CHPT1: variants seen among roughly 807,000 people sequenced by gnomAD.
CHPT1 encodes the protein choline phosphotransferase 1, also known as cholinephosphotransferase 1.
CHPT1 carries 36 observed loss-of-function variants against 47.6 expected under a neutral mutation model. The ratio of observed to expected loss-of-function variants is 0.76; its 90% CI spans 0.58 to 1.00. CHPT1 has a LOEUF of 1.00. Among genes scored for constraint, CHPT1 ranks in the 50% least tolerant of loss-of-function variants. The pLI is 0.00. For synonymous variants in CHPT1, 194 were observed against 186.3 expected (o/e 1.04, Z -0.33); for missense variants, 458 against 498.1 (o/e 0.92, Z 0.77).
chr12:101,714,414 C>G lies in CHPT1; in HGVS notation c.422-90C>G, dbSNP rs112997014. On this transcript the variant is annotated intron_variant, in intron 2 of 8. Coordinates refer to ENST00000229266, the MANE Select transcript of CHPT1 (RefSeq NM_020244.3). ...TTTATTTTAATGCCATGATTATTTC[C>G]TTAGAGCTCTGTATTTCTAAACAGC... The G allele has an allele frequency of 1.7e-4, 205 of 1,233,786 alleles. No individual in the cohort carries two copies. In the African/African-American group the frequency reaches 2.8e-3, roughly 17 times the overall value. The allele number at this position is 1,233,786 out of a possible 1,614,324, so 76.4% of individuals were successfully genotyped here. A position where few individuals can be genotyped will look rare whatever the true frequency, so the allele number is the denominator to read the frequency against.
chr12:101,700,912 T>C (rs971699589), intron 1 of CHPT1, among the ~76,000 whole-genome samples: 2 of 152,230 alleles, frequency 1.3e-5, no homozygotes, highest in Non-Finnish European at 2.9e-5. Flanking sequence ...GAATTCTTAG[T>C]GTTTTTTTCA....
Position 101,714,075 on chromosome 12 carries a change from TTACATTTTTTATA to T in CHPT1, c.274-14_274-2del, listed in dbSNP as rs1951730950. On this transcript the variant is annotated splice_acceptor_variant and splice_polypyrimidine_tract_variant and intron_variant, in intron 1 of 8. Transcript: ENST00000229266. LOFTEE classifies it high-confidence loss of function. ...TATCACTTAACAATCTTTATTTTAT[TTACATTTTTTATA>T]GGCACCATACTGGACATACCTTTTA... 3 of 1,559,696 alleles carry T rather than the reference TTACATTTTTTATA, an allele frequency of 1.9e-6. No individual in the cohort carries two copies. The highest frequency in any genetic ancestry group is 2.6e-6 in the Non-Finnish European group (3 of 1,145,042).
intron 1 of CHPT1, among the ~76,000 whole-genome samples, 195 bp from the exon 2 acceptor site, chr12:101,713,895 A>C (rs1951728159): frequency 6.6e-6 from 1 of 152,162 alleles, no homozygotes; most frequent in South Asian, 2.1e-4. Context: ...TACATTGTGG[A>C]CTTCTGTGAC....
intron 8 of CHPT1, chr12:101,728,648 T>C: frequency 2.5e-6 from 1 of 394,844 alleles, no homozygotes; most frequent in South Asian, 3.9e-5. Context: ...AAGCCAAACC[T>C]AAAATTAAAT....
At chr12:101,708,240 T>C (rs893432654) in intron 1 of CHPT1, among the ~76,000 whole-genome samples, 4 of 152,226 alleles carry the variant, frequency 2.6e-5, no homozygotes, top group Non-Finnish European at 5.9e-5. Context: ...CTATGAATAA[T>C]TCAAATAACT....
At chr12:101,714,023 A>C in intron 1 of CHPT1, 67 bp from the exon 2 acceptor site, 2 of 1,047,202 alleles carry the variant, frequency 1.9e-6, no homozygotes, top group Non-Finnish European at 2.8e-6. Flanking sequence ...GTGAAGCCTT[A>C]GGTTGAGCTA....
Position 101,697,907 on chromosome 12 carries a change from GCGCTGAGCGAGC to G in CHPT1, c.56_67del (p.Glu19_Ser22del), listed in dbSNP as rs776745016. 5.8e-6 allele frequency: 8 copies of G among 1,381,594 alleles called. No individual in the cohort carries two copies. Among genetic ancestry groups the G allele is most frequent in the African/African-American group, 1.5e-5 (1 of 66,542 alleles). The allele number at this position is 1,381,594 out of a possible 1,614,324, so 85.6% of individuals were successfully genotyped here. On this transcript the variant is annotated inframe_deletion, in exon 1 of 9. Transcript: ENST00000229266. Reference sequence around the variant, plus strand: ...CGGGTCCGCGCCGCGCTGGCTGAGGGCGCTGAGCGAGCCGCTGAGCGCGGCGCAGCTGCGGCG... The same window carrying G: ...CGGGTCCGCGCCGCGCTGGCTGAGGGCGCTGAGCGCGGCGCAGCTGCGGCG...
At chr12:101,726,590 T>TATC (rs1359878667) in intron 8 of CHPT1, 186 bp downstream of exon 8, 1 of 747,182 alleles carries the variant, frequency 1.3e-6, no homozygotes, top group African/African-American at 1.8e-5. Context: ...GCCCCCATTG[T>TATC]ATCATCATTT....
chr12:101,708,280 T>C (rs1413587081), intron 1 of CHPT1, among the ~76,000 whole-genome samples: 1 of 152,198 alleles, frequency 6.6e-6, no homozygotes, highest in African/African-American at 2.4e-5. Flanking sequence ...AAATATGTAT[T>C]TTATACAGCT....
Position 101,723,774 on chromosome 12 carries a change from G to T in CHPT1, c.992G>T (p.Gly331Val), listed in dbSNP as rs1194366308. The T allele has an allele frequency of 6.3e-7, 1 of 1,590,050 alleles. No homozygotes were observed. The highest frequency in any genetic ancestry group is 1.7e-5 in the Admixed American group (1 of 58,778). Residue 331 changes from glycine (G) to valine (V), a missense_variant, in exon 7 of 9, where the codon GGG (glycine) becomes GTG (valine). Transcript: ENST00000229266. ...ELYLQDTVFL[G>V]PGLLFLDQYF... ...TATCTTCAAGACACTGTCTTTTTGG[G>T]GCCAGGTCTTTTGTTTTTAGACCAG...
intron 1 of CHPT1, among the ~76,000 whole-genome samples, chr12:101,707,247 C>T (rs1250535878): frequency 6.6e-6 from 1 of 152,066 alleles, no homozygotes; most frequent in East Asian, 1.9e-4. Context: ...AAGGAAAAAG[C>T]CATGAGACAG....
At chr12:101,699,747 T>C (rs1951526009) in intron 1 of CHPT1, among the ~76,000 whole-genome samples, 1 of 152,206 alleles carries the variant, frequency 6.6e-6, no homozygotes, top group South Asian at 2.1e-4. Flanking sequence ...TTCATTTACA[T>C]ATTACATATG....
intron 3 of CHPT1, 122 bp downstream of exon 3, chr12:101,714,767 C>A: frequency 2.0e-6 from 2 of 986,188 alleles, no homozygotes; most frequent in Non-Finnish European, 2.8e-6. Flanking sequence ...ATTAATTCGT[C>A]GGAGTACTCA....
chr12:101,719,967 T>C (rs1279641491), intron 4 of CHPT1, 156 bp from the exon 5 acceptor site: 1 of 440,756 alleles, frequency 2.3e-6, no homozygotes, highest in East Asian at 4.1e-5. Flanking sequence ...AAAAAAAGTT[T>C]TTAAGTTATC....
chr12:101,725,630 A>C (rs115873302), intron 7 of CHPT1, among the ~76,000 whole-genome samples: 23,234 of 145,614 alleles, frequency 0.16, 1,854 homozygotes, highest in East Asian at 0.3. Flanking sequence ...TGACAAAAAA[A>C]AAAAAAAAAA....
intron 8 of CHPT1, 115 bp from the exon 9 acceptor site, chr12:101,728,786 G>A (rs1952045702): frequency 1.6e-6 from 2 of 1,212,746 alleles, no homozygotes; most frequent in Non-Finnish European, 2.3e-6. Context: ...TGACTTAACA[G>A]AAAGGGAGGT....
intron 1 of CHPT1, among the ~76,000 whole-genome samples, chr12:101,702,031 T>G (rs916084157): frequency 5.3e-5 from 8 of 152,056 alleles, no homozygotes; most frequent in African/African-American, 1.9e-4. Context: ...CCTAAGTAGG[T>G]AGTCCCTGGC....
intron 3 of CHPT1, among the ~76,000 whole-genome samples, chr12:101,716,510 C>T (rs1951765313): frequency 6.6e-6 from 1 of 151,960 alleles, no homozygotes. Flanking sequence ...ATTTTTTTCC[C>T]TCTGCATATA....
intron 5 of CHPT1, 54 bp from the exon 6 acceptor site, chr12:101,723,114 T>G (rs946708751): frequency 6.7e-7 from 1 of 1,489,220 alleles, no homozygotes; most frequent in African/African-American, 1.4e-5. Context: ...AATGTCTACA[T>G]TGTAATAAAT....
Sources: allele counts gnomAD v4.1 joint callset (sites outside exome capture counted in the v4.1 genomes callset), GRCh38; gene constraint gnomAD v4.1.1; transcripts MANE v1.5; gene names NCBI Gene and HGNC (gene_info 2026-07-23, HGNC 2026-07-21).